Variants in VEZF1 observed in about 807,000 individuals in gnomAD.
VEZF1 encodes vascular endothelial zinc finger 1, also known as putative transcription factor DB1.
A neutral mutation model predicts 44.1 loss-of-function variants in VEZF1; 5 were observed. That is an observed-to-expected ratio of 0.11 (90% confidence interval 0.06 to 0.24). VEZF1 has a LOEUF of 0.24. Ranked by LOEUF, VEZF1 falls within the 10% of genes least tolerant of loss-of-function variation. The pLI is 1.00. For synonymous variants in VEZF1, 236 were observed against 233.1 expected (o/e 1.01, Z -0.11); for missense variants, 358 against 641.8 (o/e 0.56, Z 4.78).
Position 57,979,262 on chromosome 17 carries a change from T to A in VEZF1, c.1028A>T (p.Gln343Leu), listed in dbSNP as rs2075223219. ...SNQKQQQQQQ[Q>L]QQQQQQQQQQ... ...TTGTTGTTGCTGCTGCTGCTGCTGC[T>A]GCTGCTGCTGCTGCTGCTGCTTTTG... The change falls in exon 5 of 6, where the codon CAG becomes CTG. Residue 343 changes from glutamine to leucine, a missense_variant. This residue lies in a region of VEZF1 where 171 missense variants were observed against 272.4 expected (regional missense o/e 0.63). Coordinates refer to ENST00000581208, the MANE Select transcript of VEZF1 (RefSeq NM_007146.3). 6.2e-7 allele frequency: 1 copy of A among 1,612,638 alleles called. No individual in the cohort carries two copies. Among genetic ancestry groups the A allele is most frequent in the Admixed American group, 1.7e-5 (1 of 59,930 alleles).
intron 5 of VEZF1, among the ~76,000 whole-genome samples, chr17:57,976,568 C>T (rs1038644005): frequency 3.9e-5 from 6 of 152,038 alleles, no homozygotes; most frequent in African/African-American, 1.4e-4. Context: ...CTTATTTAGG[C>T]CTAATATTTA....
intron 1 of VEZF1, among the ~76,000 whole-genome samples, chr17:57,984,990 C>A (rs544171036): frequency 3.9e-5 from 6 of 152,342 alleles, no homozygotes; most frequent in Non-Finnish European, 8.8e-5. Context: ...AAGGGTCTAT[C>A]TACCCAGGTG....
chr17:57,979,554 CAAA>C (rs79059045), intron 4 of VEZF1, among the ~76,000 whole-genome samples: 1 of 115,014 alleles, frequency 8.7e-6, no homozygotes, highest in Non-Finnish European at 1.9e-5. Context: ...AAAAAACCAT[CAAA>C]AAAAAAAAAA....
intron 5 of VEZF1, among the ~76,000 whole-genome samples, chr17:57,975,948 G>A (rs1356546683): frequency 6.6e-6 from 1 of 152,104 alleles, no homozygotes; most frequent in Non-Finnish European, 1.5e-5. Flanking sequence ...ACAGGTGCAT[G>A]CCATCACGCC....
intron 5 of VEZF1, among the ~76,000 whole-genome samples, chr17:57,975,393 T>C (rs1481122896): frequency 2.6e-5 from 4 of 152,346 alleles, no homozygotes; most frequent in African/African-American, 9.6e-5. Context: ...AGGCACACTG[T>C]AACTAGCAGA....
In VEZF1 at chr17:57,972,700, A is replaced by G. The variant is rs1278030851; in HGVS notation, c.*1773T>C. The stretch of plus-strand genomic sequence containing the variant: ...AATGTGTTGCCTTCCTGCTAAACAG[A>G]AAGTTCCTAAGCTTTTATATATACA... On this transcript the variant is annotated 3_prime_UTR_variant, in exon 6 of 6. Transcript: ENST00000581208. The G allele has an allele frequency of 6.6e-6, 1 of 152,558 alleles. No individual in the cohort carries two copies. Among genetic ancestry groups the G allele is most frequent in the Non-Finnish European group, 1.5e-5 (1 of 68,042 alleles). 9.5% of individuals were successfully genotyped at this position (152,558 alleles called of 1,614,324 possible). A position where few individuals can be genotyped will look rare whatever the true frequency, so the allele number is the denominator to read the frequency against.
chr17:57,979,461 T>C (rs2075225597), intron 4 of VEZF1, 148 bp from the exon 5 acceptor site: 2 of 1,185,228 alleles, frequency 1.7e-6, no homozygotes, highest in African/African-American at 1.6e-5. Flanking sequence ...TGTGTCTATA[T>C]TGGTCAAAAT....
At chr17:57,987,340 C>T (rs2075305360) in intron 1 of VEZF1, among the ~76,000 whole-genome samples, 1 of 151,956 alleles carries the variant, frequency 6.6e-6, no homozygotes, top group East Asian at 1.9e-4. Flanking sequence ...GGCGGGAGAG[C>T]TGGACAGAGG....
chr17:57,983,738 A>T (rs1343904084), intron 1 of VEZF1, among the ~76,000 whole-genome samples: 1 of 152,200 alleles, frequency 6.6e-6, no homozygotes, highest in African/African-American at 2.4e-5. Context: ...TAACTTACTT[A>T]AAAAAACCAC....
chr17:57,980,035 T>C (rs115831669), intron 4 of VEZF1, among the ~76,000 whole-genome samples: 85 of 150,188 alleles, frequency 5.7e-4, no homozygotes, highest in African/African-American at 1.9e-3. Flanking sequence ...AACATACCAG[T>C]GTACTTACAA....
chr17:57,981,835 T>G, intron 3 of VEZF1, 38 bp downstream of exon 3: 1 of 1,587,346 alleles, frequency 6.3e-7, no homozygotes, highest in Non-Finnish European at 8.7e-7. Context: ...TAATGTGCAT[T>G]AAGTGCTACA....
At position 57,980,598 on chromosome 17, in the gene VEZF1, C is replaced by T; in HGVS notation, c.976+5G>A. ...AAAAGAAAGAAAATCTGAAGCACCA[C>T]CTACTTTTACTGATGCCTTGTTTAC... On this transcript the variant is annotated splice_donor_5th_base_variant and intron_variant, in intron 4 of 5. Transcript: ENST00000581208. 6.2e-7 allele frequency: 1 copy of T among 1,611,716 alleles called. No individual in the cohort carries two copies. The highest frequency in any genetic ancestry group is 8.5e-7 in the Non-Finnish European group (1 of 1,179,562).
rs2075304442 is a variant in VEZF1 at position 57,987,280 on chromosome 17, CGCCTGCCCCGG to C, written c.33+788_33+798del. On this transcript the variant is annotated intron_variant, in intron 1 of 5. Transcript: ENST00000581208. ...AGGAGTCCCGGCCCCCACCGCTCCC[CGCCTGCCCCGG>C]GCCGGCCCGGCTGGGGGATTCCCCA... Among the ~76,000 whole-genome samples the C allele has an allele frequency of 2.6e-5, 4 of 152,246 alleles. No homozygotes were observed. In the South Asian group the frequency reaches 8.3e-4, roughly 32 times the overall value.
rs755210181 is a variant in VEZF1 at position 57,974,919 on chromosome 17, G to A, written c.1139-19C>T. 1.3e-6 allele frequency: 2 copies of A among 1,595,444 alleles called. No homozygotes were observed. The highest frequency in any genetic ancestry group is 1.7e-6 in the Non-Finnish European group (2 of 1,166,828). On this transcript the variant is annotated intron_variant, in intron 5 of 5. Transcript: ENST00000581208. ...GCAGCTTCTAAAATAAGAAGAAAAA[G>A]GGTCTTTAGATTCTCAAAACAGTGA... is the stretch of plus-strand genomic sequence containing the variant.
At position 57,982,798 on chromosome 17, in the gene VEZF1, C is replaced by A; in HGVS notation, c.629G>T (p.Arg210Leu). The A allele has an allele frequency of 1.2e-6, 2 of 1,614,184 alleles. No individual in the cohort carries two copies. Among genetic ancestry groups the A allele is most frequent in the South Asian group, 2.2e-5 (2 of 91,082 alleles). Reference protein sequence around the residue: ...KPFECPICNQRFKRKDRMTYH... With the variant: ...KPFECPICNQLFKRKDRMTYH... ...AGTCATCCGGTCCTTCCTCTTGAAG[C>A]GCTGATTACAAATAGGACACTCAAA... The change falls in exon 2 of 6, where the codon CGC (arginine) becomes CTC (leucine). Residue 210 changes from arginine to leucine, a missense_variant. Arg to Leu is a moderately radical substitution (Grantham distance 102, BLOSUM62 -2). Around this residue, in one of 4 missense-constraint regions of VEZF1, gnomAD observed 48 missense variants for 144.9 expected, o/e 0.33. Transcript: ENST00000581208.
chr17:57,984,365 C>T (rs1241844854), intron 1 of VEZF1, among the ~76,000 whole-genome samples: 1 of 152,146 alleles, frequency 6.6e-6, no homozygotes, highest in African/African-American at 2.4e-5. Flanking sequence ...TCTCTTGGTT[C>T]TGATACTTTC....
At position 57,973,446 on chromosome 17, in the gene VEZF1, TA is replaced by T. The variant is rs928597387; in HGVS notation, c.*1026del. On this transcript the variant is annotated 3_prime_UTR_variant, in exon 6 of 6. Transcript: ENST00000581208. ...TACACTACCTAGTTAGTGGTTAGAA[TA>T]AAAACTGTATACAATTTAATATAAG... 1 of 152,610 alleles carries T rather than the reference TA, an allele frequency of 6.6e-6. No individual in the cohort carries two copies. The highest frequency in any genetic ancestry group is 1.5e-5 in the Non-Finnish European group (1 of 68,038). 9.5% of individuals were successfully genotyped at this position (152,610 alleles called of 1,614,324 possible). A position where few individuals can be genotyped will look rare whatever the true frequency, so the allele number is the denominator to read the frequency against.
rs375618452 is a variant in VEZF1 at position 57,977,973 on chromosome 17, C to T, written c.1138+1179G>A. Among the ~76,000 whole-genome samples, 212 of 151,894 alleles carry T rather than the reference C, an allele frequency of 1.4e-3. 1 individual carries two copies. The highest frequency in any genetic ancestry group is 4.6e-4 in the Non-Finnish European group (31 of 67,942). On this transcript the variant is annotated intron_variant, in intron 5 of 5. Coordinates refer to ENST00000581208, the MANE Select transcript of VEZF1 (RefSeq NM_007146.3). The stretch of plus-strand genomic sequence containing the variant: ...ATCCCAGAACTTTAGGAGTCTGAGG[C>T]GGGTGGATCACTTGAGATCAGGAGT...
chr17:57,988,013 C>A, intron 1 of VEZF1, 66 bp downstream of exon 1: 1 of 199,608 alleles, frequency 5.0e-6, no homozygotes, highest in South Asian at 1.7e-4. Flanking sequence ...GAGCGCCCGC[C>A]CGCCCGCCAG....
Sources: gnomAD v4.1 joint callset for allele counts (sites outside exome capture counted in the v4.1 genomes callset) on GRCh38, gnomAD v4.1.1 for gene constraint, gnomAD v4.1.1 regional missense constraint, MANE v1.5 for transcripts, NCBI Gene and HGNC (gene_info 2026-07-23, HGNC 2026-07-21) for gene names.